Variants in CCDC169 observed in about 807,000 individuals in gnomAD.
CCDC169 encodes the protein coiled-coil domain-containing protein 169.
A neutral mutation model predicts 36.0 loss-of-function variants in CCDC169; 30 were observed. The ratio of observed to expected loss-of-function variants is 0.83; its 90% CI spans 0.62 to 1.13. The LOEUF (loss-of-function observed/expected upper bound fraction) is 1.13. Ranked by LOEUF, CCDC169 falls within the 50% of genes most tolerant of loss-of-function variation. The probability of loss-of-function intolerance (pLI) is 0.00; values close to 1 mark genes in which losing one functional copy is unlikely to be tolerated. For synonymous variants in CCDC169, 85 were observed against 81.5 expected, an observed-to-expected ratio of 1.04 and a Z score of -0.23; for missense variants, 245 against 245.9, an observed-to-expected ratio of 1.00 and a Z score of 0.03.
intron 4 of CCDC169, among the ~76,000 whole-genome samples, chr13:36,264,929 TTC>T (rs1431835424): frequency 2.0e-5 from 3 of 152,222 alleles, no homozygotes; most frequent in African/African-American, 4.8e-5. Context: ...AGAATCTGTG[TTC>T]TGGTGGTGTT....
chr13:36,247,914 C>A (rs2138447536), intron 7 of CCDC169, among the ~76,000 whole-genome samples: 1 of 152,238 alleles, frequency 6.6e-6, no homozygotes, highest in Admixed American at 6.5e-5. Flanking sequence ...AGACATCTTT[C>A]ATAAAAGAGT....
intron 7 of CCDC169, among the ~76,000 whole-genome samples, chr13:36,242,518 C>A (rs1254836526): frequency 6.6e-6 from 1 of 151,990 alleles, no homozygotes; most frequent in Non-Finnish European, 1.5e-5. Flanking sequence ...ATTATATATA[C>A]CTAATTTGGA....
At chr13:36,247,739 C>T (rs9531652) in intron 7 of CCDC169, among the ~76,000 whole-genome samples, 61,631 of 151,932 alleles carry the variant, frequency 0.41, 13,275 homozygotes, top group Non-Finnish European at 0.48. Flanking sequence ...GAAATCTGCT[C>T]CTGGTAAAGA....
chr13:36,281,871 AG>A (rs1262626721), intron 4 of CCDC169, among the ~76,000 whole-genome samples: 18 of 152,178 alleles, frequency 1.2e-4, no homozygotes, highest in Non-Finnish European at 1.8e-4. Context: ...CAAAAAAAAA[AG>A]AAATGCTGAA....
intron 6 of CCDC169, among the ~76,000 whole-genome samples, chr13:36,251,778 G>A (rs1873204593): frequency 6.6e-6 from 1 of 152,154 alleles, no homozygotes; most frequent in South Asian, 2.1e-4. Flanking sequence ...CAGCAATAAG[G>A]GACCAAGAGG....
chr13:36,257,716 A>C (rs1312838257), intron 4 of CCDC169, among the ~76,000 whole-genome samples: 1 of 152,070 alleles, frequency 6.6e-6, no homozygotes, highest in African/African-American at 2.4e-5. Context: ...AAAAGAAAAA[A>C]AGAAAAAATC....
chr13:36,281,963 T>C (rs993628221), intron 4 of CCDC169, among the ~76,000 whole-genome samples: 1 of 152,220 alleles, frequency 6.6e-6, no homozygotes, highest in East Asian at 1.9e-4. Flanking sequence ...TTTAATGATA[T>C]AGTTTAAAGA....
At chr13:36,274,817 A>T (rs942779249) in intron 4 of CCDC169, among the ~76,000 whole-genome samples, 2 of 152,076 alleles carry the variant, frequency 1.3e-5, no homozygotes, top group African/African-American at 4.8e-5. Context: ...TTAGGTTTTT[A>T]AAAAAGTCCC....
At chr13:36,228,977 A>G (rs917397514), downstream of CCDC169, among the ~76,000 whole-genome samples, 1 of 152,230 alleles carries the variant, frequency 6.6e-6, no homozygotes, top group Non-Finnish European at 1.5e-5. Flanking sequence ...TAGAAAGCTT[A>G]AAACTAAAAC....
At chr13:36,266,371 G>T (rs1229004074) in intron 4 of CCDC169, among the ~76,000 whole-genome samples, 1 of 151,984 alleles carries the variant, frequency 6.6e-6, no homozygotes, top group East Asian at 1.9e-4. Context: ...GGGAAGGGTG[G>T]GCCACCTCTG....
downstream of CCDC169, chr13:36,227,173 G>A (rs149476823): frequency 1.3e-3 from 1,777 of 1,359,776 alleles, 27 homozygotes; most frequent in African/African-American, 0.023. Context: ...AATCCTGGGG[G>A]TGGTGCACAT....
intron 4 of CCDC169, among the ~76,000 whole-genome samples, chr13:36,278,843 T>C (rs1223364542): frequency 6.6e-6 from 1 of 152,146 alleles, no homozygotes; most frequent in African/African-American, 2.4e-5. Flanking sequence ...AATCCAAAAC[T>C]ATTTTCAGTT....
downstream of CCDC169, chr13:36,225,015 C>A (rs1017832734): frequency 2.6e-5 from 4 of 152,066 alleles, no homozygotes; most frequent in African/African-American, 7.2e-5. Flanking sequence ...TGATCTTCAA[C>A]AGTCAACAAA....
intron 4 of CCDC169, chr13:36,282,289 C>T: frequency 1.2e-6 from 1 of 829,178 alleles, no homozygotes; most frequent in Non-Finnish European, 1.5e-6. Context: ...AATATGTCTG[C>T]ATTACACAAT....
downstream of CCDC169, among the ~76,000 whole-genome samples, chr13:36,228,334 T>A (rs368712551): frequency 6.6e-6 from 1 of 152,184 alleles, no homozygotes; most frequent in Non-Finnish European, 1.5e-5. Context: ...ATGATCTGTC[T>A]TTTTTATTAT....
intron 7 of CCDC169, among the ~76,000 whole-genome samples, chr13:36,238,606 C>T (rs975023036): frequency 6.6e-6 from 1 of 152,032 alleles, no homozygotes; most frequent in African/African-American, 2.4e-5. Flanking sequence ...ATTAATATAG[C>T]TCATTATAGA....
intron 6 of CCDC169, 52 bp downstream of exon 6, chr13:36,253,751 A>ATAATT (rs1211062079): frequency 1.3e-6 from 2 of 1,518,652 alleles, no homozygotes; most frequent in African/African-American, 2.8e-5. Flanking sequence ...AGTGAAAAAC[A>ATAATT]TAATTTACAG....
At chr13:36,251,100 T>C (rs993280497) in intron 6 of CCDC169, among the ~76,000 whole-genome samples, 1 of 152,236 alleles carries the variant, frequency 6.6e-6, no homozygotes, top group East Asian at 1.9e-4. Flanking sequence ...ATTGTACTTA[T>C]GTTGTGCATA....
rs530432820 is a variant in CCDC169, at chr13:36,235,642, A to G, written c.546-4350T>C. Among the ~76,000 whole-genome samples the G allele has an allele frequency of 4.6e-5, 7 of 152,046 alleles. No homozygotes were observed. The South Asian group carries it at 8.3e-4, about 18-fold the overall frequency. The stretch of plus-strand genomic sequence containing the variant: ...GTTCCAGCCAGGGCAATTAGGCAAG[A>G]AAAATAGATAAAAGGCATCCAAATT... On this transcript the variant is annotated intron_variant, in intron 7 of 7. Transcript: ENST00000239859.
Sources: allele counts gnomAD v4.1 joint callset (sites outside exome capture counted in the v4.1 genomes callset), GRCh38; gene constraint gnomAD v4.1.1; transcripts MANE v1.5; gene names NCBI Gene and HGNC (gene_info 2026-07-23, HGNC 2026-07-21).